The following KIDINS220 variants were observed in gnomAD, a reference collection of about 807,000 sequenced individuals.
The protein encoded by KIDINS220 is kinase D-interacting substrate of 220 kDa.
KIDINS220 carries 63 observed loss-of-function variants against 157.6 expected under a neutral mutation model. The observed-to-expected ratio is 0.40, with a 90% confidence interval of 0.33 to 0.49. The LOEUF (loss-of-function observed/expected upper bound fraction) is 0.49. Among genes scored for constraint, KIDINS220 ranks in the 20% least tolerant of loss-of-function variants. The pLI, the probability that KIDINS220 is intolerant of heterozygous loss-of-function variation, is 0.66. For missense variants in KIDINS220, 1,772 were observed against 2,171.2 expected (o/e 0.82, Z 3.65); for synonymous variants, 732 against 783.6 (o/e 0.93, Z 1.10).
intron 26 of KIDINS220, among the ~76,000 whole-genome samples, chr2:8,739,792 T>C (rs1001965870): frequency 1.3e-5 from 2 of 152,252 alleles, no homozygotes; most frequent in Non-Finnish European, 2.9e-5. Context: ...GAAAGCTGAA[T>C]GCAGAAGATA....
rs1381882411 is a variant in KIDINS220 at position 8,731,930 on chromosome 2, C to G, written c.4106G>C (p.Ser1369Thr). 6.2e-7 allele frequency: 1 copy of G among 1,609,698 alleles called. No homozygotes were observed. Among genetic ancestry groups the G allele is most frequent in the Non-Finnish European group, 8.5e-7 (1 of 1,177,936 alleles). ...ATCAGTAAGCTTTGAAATTTCAATACTGGAATCCTGGGAATTGAGACTCGA... is the reference window on the plus strand; with the variant it reads ...ATCAGTAAGCTTTGAAATTTCAATAGTGGAATCCTGGGAATTGAGACTCGA... ...SLSSLNSQDS[S>T]IEISKLTDKV... The change falls in exon 30 of 30, where the codon AGT becomes ACT. Residue 1369 changes from serine (S) to threonine (T), a missense_variant. Transcript: ENST00000256707. The surrounding 1 kb of genome is among the most constrained non-coding windows in gnomAD (Gnocchi z 5.2).
At chr2:8,766,405 C>G (rs1162522679) in intron 22 of KIDINS220, among the ~76,000 whole-genome samples, 2 of 152,220 alleles carry the variant, frequency 1.3e-5, no homozygotes, top group Non-Finnish European at 2.9e-5. Context: ...TTACTTAATG[C>G]AGAACCTGCA....
chr2:8,824,595 G>A (rs1678470513), intron 2 of KIDINS220, among the ~76,000 whole-genome samples: 4 of 152,056 alleles, frequency 2.6e-5, no homozygotes, highest in African/African-American at 7.2e-5. Context: ...CAGGAGGATC[G>A]CTTGAGCCTG....
In KIDINS220 at chr2:8,785,981, G is replaced by A; in HGVS notation, c.1989C>T (p.Phe663=). The A allele has an allele frequency of 3.1e-6, 5 of 1,612,254 alleles. No individual in the cohort carries two copies. Among genetic ancestry groups the A allele is most frequent in the Non-Finnish European group, 4.2e-6 (5 of 1,179,532 alleles). ...ATATAATGCAGCCAATGATAAAAAG[G>A]AAGATGACAAAAGATGGGAGACAAC... is the stretch of plus-strand genomic sequence containing the variant. ...KTCCLPSFVI[F]LFIIGCIISG... is the part of the protein sequence containing the mutation. The change falls in exon 17 of 30, where the codon TTC becomes TTT. Residue 663 remains phenylalanine, a synonymous_variant. Coordinates refer to ENST00000256707, the MANE Select transcript of KIDINS220 (RefSeq NM_020738.4).
At chr2:8,804,871 C>G (rs1250279127) in intron 7 of KIDINS220, among the ~76,000 whole-genome samples, 1 of 152,178 alleles carries the variant, frequency 6.6e-6, no homozygotes, top group African/African-American at 2.4e-5. Flanking sequence ...CAACTCAATT[C>G]TGACACTACC....
At chr2:8,798,080 T>G in intron 10 of KIDINS220, 122 bp downstream of exon 10, 1 of 607,400 alleles carries the variant, frequency 1.6e-6, no homozygotes, top group Non-Finnish European at 2.9e-6. Context: ...CTCAATGTGA[T>G]AGAGAATATT....
At chr2:8,788,537 G>C (rs780718615) in intron 15 of KIDINS220, 110 bp downstream of exon 15, 33 of 1,053,812 alleles carry the variant, frequency 3.1e-5, no homozygotes, top group Non-Finnish European at 3.7e-5. Flanking sequence ...CCAAAGTGCT[G>C]GGATTACAAG....
At chr2:8,725,775 G>A (rs543839462), downstream of KIDINS220, among the ~76,000 whole-genome samples, 26 of 152,304 alleles carry the variant, frequency 1.7e-4, no homozygotes, top group African/African-American at 5.1e-4. Flanking sequence ...ATAATATGGA[G>A]CATGTAATTC....
intron 9 of KIDINS220, among the ~76,000 whole-genome samples, chr2:8,799,838 A>C (rs1044745805): frequency 1.3e-5 from 2 of 152,252 alleles, no homozygotes; most frequent in Non-Finnish European, 2.9e-5. Context: ...AAGCTCTTGA[A>C]GTATTTGATA....
At chr2:8,786,680 T>C (rs901962154) in intron 15 of KIDINS220, among the ~76,000 whole-genome samples, 2 of 152,096 alleles carry the variant, frequency 1.3e-5, no homozygotes, top group African/African-American at 2.4e-5. Flanking sequence ...TCTCACGACA[T>C]AGTGGTTAAA....
chr2:8,773,376 C>T (rs948110777), intron 21 of KIDINS220, among the ~76,000 whole-genome samples: 20 of 152,064 alleles, frequency 1.3e-4, no homozygotes, highest in African/African-American at 4.8e-4. Flanking sequence ...ATTTGGTCCT[C>T]TTTAGAGTGT....
intron 7 of KIDINS220, among the ~76,000 whole-genome samples, chr2:8,804,019 C>A (rs1331535575): frequency 6.6e-6 from 1 of 152,202 alleles, no homozygotes; most frequent in Non-Finnish European, 1.5e-5. Context: ...TAAAATAACA[C>A]AGCCTTTTCA....
chr2:8,738,357 A>C (rs574210086), intron 26 of KIDINS220, among the ~76,000 whole-genome samples: 1 of 152,366 alleles, frequency 6.6e-6, no homozygotes, highest in East Asian at 1.9e-4. Flanking sequence ...AAGTATAAGC[A>C]GAAACGGGAT....
Position 8,788,696 on chromosome 2 carries a change from C to A in KIDINS220, c.1738G>T (p.Val580Leu), listed in dbSNP as rs868339289. 3.1e-6 allele frequency: 5 copies of A among 1,614,190 alleles called. No individual in the cohort carries two copies. In the Middle Eastern group the frequency reaches 8.2e-4, roughly 266 times the overall value. The change falls in exon 15 of 30, where the codon GTG (valine) becomes TTG (leucine). Residue 580 changes from valine (V) to leucine (L), a missense_variant. By Grantham distance (32) the Val-to-Leu change is conservative (BLOSUM62 1). Around this residue, in one of 3 missense-constraint regions of KIDINS220, gnomAD observed 725 missense variants for 1,017.1 expected, o/e 0.71. Transcript: ENST00000256707. ...TGCTCTGGCAACTCAGGTGGATTCA[C>A]AAACATCAATTTAAGGAGGAGTTCC... is the stretch of plus-strand genomic sequence containing the variant. ...YLELLLKLMF[V>L]NPPELPEQTT...
chr2:8,815,302 G>A (rs1325556809), intron 4 of KIDINS220, among the ~76,000 whole-genome samples: 1 of 151,366 alleles, frequency 6.6e-6, no homozygotes, highest in Non-Finnish European at 1.5e-5. Context: ...AGGGGGAGCT[G>A]AAATGGGAGG....
chr2:8,751,692 A>C (rs765572069), intron 22 of KIDINS220, 48 bp from the exon 23 acceptor site: 29 of 1,344,096 alleles, frequency 2.2e-5, no homozygotes, highest in East Asian at 1.2e-4. Flanking sequence ...CACTATTAGA[A>C]AGGTAAATTC....
intron 26 of KIDINS220, 22 bp from the exon 27 acceptor site, chr2:8,737,021 A>G (rs1664970879): frequency 3.7e-6 from 6 of 1,613,006 alleles, no homozygotes; most frequent in East Asian, 4.5e-5. Flanking sequence ...AAGGAAAAAT[A>G]CAGGTATGAA....
chr2:8,756,681 A>C (rs1195556980), intron 22 of KIDINS220, among the ~76,000 whole-genome samples: 1 of 152,202 alleles, frequency 6.6e-6, no homozygotes, highest in African/African-American at 2.4e-5. Context: ...CATCAAGGAC[A>C]CTACAGAGAG....
intron 16 of KIDINS220, 59 bp downstream of exon 16, chr2:8,786,147 C>T (rs1672367123): frequency 5.6e-6 from 9 of 1,598,538 alleles, no homozygotes; most frequent in South Asian, 1.1e-5. Flanking sequence ...TGAAAATAAA[C>T]TGAACATCTA....
Sources: allele counts gnomAD v4.1 joint callset (sites outside exome capture counted in the v4.1 genomes callset), GRCh38; gene constraint gnomAD v4.1.1; regional missense constraint gnomAD v4.1.1; non-coding constraint Gnocchi (gnomAD v3.1); transcripts MANE v1.5; gene names NCBI Gene and HGNC (gene_info 2026-07-23, HGNC 2026-07-21).